The following RASGRF1 variants were observed in gnomAD, a reference collection of about 807,000 sequenced individuals.
RASGRF1 encodes ras-specific guanine nucleotide-releasing factor 1.
A neutral mutation model predicts 138.7 loss-of-function variants in RASGRF1; 40 were observed. The observed-to-expected ratio is 0.29, with a 90% CI of 0.22 to 0.38. RASGRF1 has a LOEUF of 0.38. Ranked by LOEUF, RASGRF1 falls within the 10% of genes least tolerant of loss-of-function variation. RASGRF1 has a pLI of 1.00. For missense variants in RASGRF1, 1,108 were observed against 1,650.4 expected, an observed-to-expected ratio of 0.67 and a Z score of 5.69; for synonymous variants, 614 against 663.2, an observed-to-expected ratio of 0.93 and a Z score of 1.14.
Position 78,985,202 on chromosome 15 carries a change from G to A in RASGRF1, c.3219C>T (p.Ile1073=). 6.3e-7 allele frequency: 1 copy of A among 1,598,224 alleles called. No homozygotes were observed. The highest frequency in any genetic ancestry group is 8.6e-7 in the Non-Finnish European group (1 of 1,165,800). Reference sequence around the variant, plus strand: ...TGATTTCTGAAGCAATCAAGTTACTGATCTTTAAGCCGATGCAATAAGACA... The same window carrying A: ...TGATTTCTGAAGCAATCAAGTTACTAATCTTTAAGCCGATGCAATAAGACA... ...IMKTTKHFND[I]SNLIASEIIR... is the part of the protein sequence containing the mutation. The change falls in exon 23 of 27, where the codon ATC becomes ATT. Residue 1073 remains isoleucine, a splice_region_variant and synonymous_variant. Coordinates refer to ENST00000558480, the MANE Select transcript of RASGRF1 (RefSeq NM_001145648.3).
chr15:79,054,378 T>A (rs1011967326), intron 3 of RASGRF1, among the ~76,000 whole-genome samples: 1 of 152,204 alleles, frequency 6.6e-6, no homozygotes, highest in Admixed American at 6.5e-5. Flanking sequence ...GCCCCTCCAT[T>A]CTGTTACATA....
At chr15:79,061,372 A>G (rs1339638658) in intron 2 of RASGRF1, among the ~76,000 whole-genome samples, 1 of 145,280 alleles carries the variant, frequency 6.9e-6, no homozygotes, top group Non-Finnish European at 1.5e-5. Flanking sequence ...GTTGGTGGTA[A>G]CTTCTCATGC....
intron 1 of RASGRF1, among the ~76,000 whole-genome samples, chr15:79,068,730 G>T (rs927952179): frequency 6.6e-6 from 1 of 151,976 alleles, no homozygotes; most frequent in Non-Finnish European, 1.5e-5. Context: ...TTCTGGATAG[G>T]CCTTGGGTTG....
At position 78,978,215 on chromosome 15, in the gene RASGRF1, C is replaced by CTTTTTTTTTTT. The variant is rs2055915117; in HGVS notation, c.3494+2404_3494+2405insAAAAAAAAAAA. On this transcript the variant is annotated intron_variant, in intron 24 of 26. Transcript: ENST00000558480. ...TTTTTCTTCTTTTTCTTTTTCTTTT[C>CTTTTTTTTTTT]TTTTGTTTTTTTTTTTTTTTTTTTT... is the stretch of plus-strand genomic sequence containing the variant. Among the ~76,000 whole-genome samples the CTTTTTTTTTTT allele has an allele frequency of 1.8e-4, 14 of 79,336 alleles. 1 individual carries two copies. The highest frequency in any genetic ancestry group is 6.6e-4 in the African/African-American group (13 of 19,578). The allele number at this position is 79,336 out of a possible 152,430, so 52.0% of individuals were successfully genotyped here.
chr15:79,031,551 G>A, intron 7 of RASGRF1, 42 bp from the exon 8 acceptor site: 4 of 1,417,540 alleles, frequency 2.8e-6, no homozygotes, highest in South Asian at 1.2e-5. Flanking sequence ...AAAGAGCCAG[G>A]GAAGTATGGC....
At chr15:79,018,904 G>GTGGCCAAGATGAAAGAAGGCTGCAC (rs1207190199) in intron 11 of RASGRF1, among the ~76,000 whole-genome samples, 1 of 152,196 alleles carries the variant, frequency 6.6e-6, no homozygotes. Flanking sequence ...TGGACCTGCT[G>GTGGCCAAGATGAAAGAAGGCTGCAC]TGGCCAAGAT....
intron 24 of RASGRF1, among the ~76,000 whole-genome samples, chr15:78,977,197 C>T (rs2055890514): frequency 6.6e-6 from 1 of 152,234 alleles, no homozygotes; most frequent in Admixed American, 6.5e-5. Flanking sequence ...CTCTTTCTCT[C>T]CAACTTCTCT....
At chr15:79,059,316 A>G (rs577125320) in intron 2 of RASGRF1, among the ~76,000 whole-genome samples, 1 of 54,178 alleles carries the variant, frequency 1.8e-5, no homozygotes, top group Admixed American at 2.5e-4. Context: ...TCCCTTCCCT[A>G]TCCTTCCCTT....
At chr15:79,034,600 T>G (rs967933681) in intron 6 of RASGRF1, among the ~76,000 whole-genome samples, 7 of 152,086 alleles carry the variant, frequency 4.6e-5, no homozygotes, top group African/African-American at 1.7e-4. Flanking sequence ...AGTGCCTTCA[T>G]GGGTACTGGA....
Position 79,046,816 on chromosome 15 carries a change from G to C in RASGRF1, c.808C>G (p.Leu270Val). The C allele has an allele frequency of 6.2e-7, 1 of 1,614,270 alleles. No individual in the cohort carries two copies. The highest frequency in any genetic ancestry group is 8.5e-7 in the Non-Finnish European group (1 of 1,180,054). The change falls in exon 5 of 27, where the codon CTG becomes GTG. Residue 270 changes from leucine (L) to valine (V), a missense_variant. Coordinates refer to ENST00000558480, the MANE Select transcript of RASGRF1 (RefSeq NM_001145648.3). The surrounding 1 kb of genome is among the most constrained non-coding windows in gnomAD (Gnocchi z 5.3). The stretch of plus-strand genomic sequence containing the variant: ...TTCTTGGAGCTGGCGGCCATCCGCA[G>C]CGGGCGCAGGAAATTGTTGACAAGG... ...HILVNNFLRP[L>V]RMAASSKKPP...
chr15:79,074,907 T>C (rs1157837837), intron 1 of RASGRF1, among the ~76,000 whole-genome samples: 1 of 152,144 alleles, frequency 6.6e-6, no homozygotes, highest in African/African-American at 2.4e-5. Context: ...AAGTAAGAGA[T>C]GGATAACCTG....
intron 1 of RASGRF1, among the ~76,000 whole-genome samples, chr15:79,072,555 G>A (rs145320174): frequency 2.2e-3 from 328 of 152,232 alleles, no homozygotes; most frequent in African/African-American, 7.5e-3. Flanking sequence ...GACTACAGGC[G>A]TGAGCCACCG....
intron 26 of RASGRF1, 23 bp downstream of exon 26, chr15:78,971,843 G>T: frequency 1.3e-6 from 2 of 1,547,168 alleles, no homozygotes; most frequent in South Asian, 2.2e-5. Context: ...GCATGCAAGT[G>T]ACCAGGAAAA....
In RASGRF1 at chr15:78,994,566, G is replaced by A. The variant is rs147194839; in HGVS notation, c.3027+1174C>T. 3.1e-3 allele frequency among the ~76,000 whole-genome samples: 470 copies of A among 152,336 alleles called. 4 individuals carry two copies. The highest frequency in any genetic ancestry group is 0.022 in the South Asian group (106 of 4,826). ...AGTATCCCCAGCCGCTGTGATGCAG[G>A]GGCCAAGGGCTCTGGGGTGGCTTGT... On this transcript the variant is annotated intron_variant, in intron 20 of 26. Coordinates refer to ENST00000558480, the MANE Select transcript of RASGRF1 (RefSeq NM_001145648.3).
intron 13 of RASGRF1, among the ~76,000 whole-genome samples, chr15:79,007,473 T>A (rs1278374962): frequency 2.6e-5 from 4 of 152,108 alleles, no homozygotes; most frequent in Non-Finnish European, 1.5e-5. Flanking sequence ...TCAAATATAG[T>A]GCTCATTTCT....
At chr15:78,971,838 C>CAA (rs764757518) in intron 26 of RASGRF1, 28 bp downstream of exon 26, 3 of 1,540,176 alleles carry the variant, frequency 1.9e-6, no homozygotes, top group African/African-American at 2.7e-5. Flanking sequence ...TGAAAGCATG[C>CAA]AAGTGACCAG....
chr15:78,998,759 A>T lies in RASGRF1; in HGVS notation c.2813T>A (p.Val938Asp), dbSNP rs1049177116. 1.2e-6 allele frequency: 2 copies of T among 1,614,054 alleles called. No individual in the cohort carries two copies. The highest frequency in any genetic ancestry group is 2.7e-5 in the African/African-American group (2 of 74,932). The change falls in exon 18 of 27, where the codon GTC becomes GAC. Residue 938 changes from valine to aspartate, a missense_variant. Coordinates refer to ENST00000558480, the MANE Select transcript of RASGRF1 (RefSeq NM_001145648.3). ...FVIRRAATNR[V>D]LNVLRHWVSK... ...CACCCAGTGGCGGAGCACGTTCAAGACACGATTGGTGGCTGCTCTGCGGAT... is the reference window on the plus strand; with the variant it reads ...CACCCAGTGGCGGAGCACGTTCAAGTCACGATTGGTGGCTGCTCTGCGGAT...
chr15:78,962,356 T>A, intron 26 of RASGRF1, 120 bp from the exon 27 acceptor site: 2 of 692,652 alleles, frequency 2.9e-6, no homozygotes, highest in Admixed American at 2.6e-5. Flanking sequence ...GGTGGGCATA[T>A]GAGGCAAAAA....
chr15:78,976,584 A>ACACACACACC (rs145374777), intron 24 of RASGRF1, among the ~76,000 whole-genome samples: 18 of 151,622 alleles, frequency 1.2e-4, no homozygotes, highest in African/African-American at 4.1e-4. Context: ...ACACACACAC[A>ACACACACACC]CCCATCCGAA....
Sources: allele counts gnomAD v4.1 joint callset (sites outside exome capture counted in the v4.1 genomes callset), GRCh38; gene constraint gnomAD v4.1.1; non-coding constraint Gnocchi (gnomAD v3.1); transcripts MANE v1.5; gene names NCBI Gene and HGNC (gene_info 2026-07-23, HGNC 2026-07-21).